Variants in ADAMTS17 observed in about 807,000 individuals in gnomAD.
The protein encoded by ADAMTS17 is ADAM metallopeptidase with thrombospondin type 1 motif 17.
A neutral mutation model predicts 141.5 loss-of-function variants in ADAMTS17; 113 were observed. The observed-to-expected ratio is 0.80, with a 90% CI of 0.69 to 0.93. The LOEUF (loss-of-function observed/expected upper bound fraction) is 0.93, where lower values mean the gene tolerates loss of function less well. Ranked by LOEUF, ADAMTS17 falls within the 40% of genes least tolerant of loss-of-function variation. ADAMTS17 has a pLI of 0.00. For missense variants in ADAMTS17, 1,659 were observed against 1,517.9 expected (o/e 1.09, Z -1.54); for synonymous variants, 768 against 630.6 (o/e 1.22, Z -3.27).
intron 7 of ADAMTS17, among the ~76,000 whole-genome samples, chr15:100,249,317 G>A (rs1229060645): frequency 6.6e-6 from 1 of 152,220 alleles, no homozygotes; most frequent in Non-Finnish European, 1.5e-5. Flanking sequence ...GTGGGCATTG[G>A]TCATCTTGGG....
chr15:99,981,057 A>G (rs906548479), intron 20 of ADAMTS17, among the ~76,000 whole-genome samples: 1 of 152,200 alleles, frequency 6.6e-6, no homozygotes, highest in Non-Finnish European at 1.5e-5. Context: ...TCTTGCTCAA[A>G]GTTGCAGAGG....
chr15:100,064,107 A>G (rs1164719926), intron 15 of ADAMTS17, among the ~76,000 whole-genome samples: 1 of 152,170 alleles, frequency 6.6e-6, no homozygotes, highest in Non-Finnish European at 1.5e-5. Flanking sequence ...AAAATGACTG[A>G]TGTCCTTATA....
chr15:100,139,996 TTTTTTA>T (rs980492563), intron 10 of ADAMTS17, among the ~76,000 whole-genome samples: 2 of 151,996 alleles, frequency 1.3e-5, no homozygotes, highest in African/African-American at 2.4e-5. Flanking sequence ...TTTATTTTTG[TTTTTTA>T]TTTTTATTTT....
At chr15:100,197,754 C>T (rs771732747) in intron 8 of ADAMTS17, among the ~76,000 whole-genome samples, 9 of 151,990 alleles carry the variant, frequency 5.9e-5, no homozygotes, top group African/African-American at 1.7e-4. Flanking sequence ...ACAATAGGTA[C>T]GGAAAGGCCA....
intron 10 of ADAMTS17, among the ~76,000 whole-genome samples, chr15:100,146,931 T>C (rs2141321204): frequency 6.6e-6 from 1 of 152,308 alleles, no homozygotes; most frequent in African/African-American, 2.4e-5. Context: ...CTCAAAACTC[T>C]GTCTCCTGAT....
intron 3 of ADAMTS17, among the ~76,000 whole-genome samples, chr15:100,289,143 T>C (rs1343113813): frequency 6.6e-6 from 1 of 152,072 alleles, no homozygotes; most frequent in Non-Finnish European, 1.5e-5. Context: ...AACCCAATCA[T>C]AAATGACAAA....
rs1300273613 is a variant in ADAMTS17 at position 99,972,829 on chromosome 15, G to A, written c.*1573C>T. 5 of 152,210 alleles carry A rather than the reference G, an allele frequency of 3.3e-5. No homozygotes were observed. Among genetic ancestry groups the A allele is most frequent in the African/African-American group, 7.2e-5 (3 of 41,442 alleles). The allele number at this position is 152,210 out of a possible 1,614,324, so 9.4% of individuals were successfully genotyped here. On this transcript the variant is annotated 3_prime_UTR_variant, in exon 22 of 22. Transcript: ENST00000268070. ...AAGACAGGGTGGAGAAGGCAGAGAGGCTTCTTTCTGATTTAAGCTAACTCT... is the reference window on the plus strand; with the variant it reads ...AAGACAGGGTGGAGAAGGCAGAGAGACTTCTTTCTGATTTAAGCTAACTCT...
chr15:99,996,446 CAA>C (rs770784268), intron 19 of ADAMTS17, among the ~76,000 whole-genome samples: 2 of 152,068 alleles, frequency 1.3e-5, no homozygotes, highest in African/African-American at 2.4e-5. Flanking sequence ...TAAGCATAGA[CAA>C]AGACAAAAAA....
At chr15:100,101,740 T>C (rs1407262694) in intron 14 of ADAMTS17, among the ~76,000 whole-genome samples, 3 of 152,238 alleles carry the variant, frequency 2.0e-5, no homozygotes, top group Non-Finnish European at 4.4e-5. Context: ...CATATTTGAA[T>C]TGGGACTTCC....
intron 20 of ADAMTS17, among the ~76,000 whole-genome samples, chr15:99,988,046 G>A (rs1243046079): frequency 6.6e-6 from 1 of 151,964 alleles, no homozygotes; most frequent in African/African-American, 2.4e-5. Context: ...TCAGCCTCAG[G>A]CTCAGGCTCT....
chr15:100,110,642 T>C (rs2036716929), intron 13 of ADAMTS17, among the ~76,000 whole-genome samples: 1 of 152,066 alleles, frequency 6.6e-6, no homozygotes, highest in African/African-American at 2.4e-5. Context: ...AGGAATGCAT[T>C]TTTCTCCTCT....
chr15:100,153,874 T>A (rs996183159), intron 9 of ADAMTS17, among the ~76,000 whole-genome samples: 1 of 152,020 alleles, frequency 6.6e-6, no homozygotes, highest in East Asian at 1.9e-4. Flanking sequence ...GCTGTGTACA[T>A]GAGCAAATAA....
At chr15:100,337,880 C>G (rs1477610043) in intron 2 of ADAMTS17, among the ~76,000 whole-genome samples, 1 of 152,216 alleles carries the variant, frequency 6.6e-6, no homozygotes, top group Non-Finnish European at 1.5e-5. Flanking sequence ...TGAAGTTCAG[C>G]CTGATTCCAA....
chr15:100,077,698 G>C (rs553970509), intron 15 of ADAMTS17, among the ~76,000 whole-genome samples: 1 of 152,264 alleles, frequency 6.6e-6, no homozygotes, highest in East Asian at 1.9e-4. Flanking sequence ...TGTCCCCTAA[G>C]ATAAGGAACA....
intron 18 of ADAMTS17, among the ~76,000 whole-genome samples, chr15:100,038,071 A>G (rs182594925): frequency 6.6e-6 from 1 of 152,280 alleles, no homozygotes; most frequent in Admixed American, 6.5e-5. Flanking sequence ...CTCCAACTGC[A>G]TTCTCTTGCA....
At chr15:100,337,621 T>C (rs1012614777) in intron 2 of ADAMTS17, among the ~76,000 whole-genome samples, 201 of 152,350 alleles carry the variant, frequency 1.3e-3, no homozygotes, top group African/African-American at 4.8e-3. Context: ...CACAGCTTTT[T>C]CCAAGAAGGG....
rs1031471793 is a variant in ADAMTS17 at position 99,973,925 on chromosome 15, C to T, written c.*477G>A. The stretch of plus-strand genomic sequence containing the variant: ...CGTGTGCTAAGCAGCCCGGCCCTCC[C>T]CAGAGAAGCCACGGGCAGAGGCTCA... On this transcript the variant is annotated 3_prime_UTR_variant, in exon 22 of 22. Coordinates refer to ENST00000268070, the MANE Select transcript of ADAMTS17 (RefSeq NM_139057.4). 8.4e-6 allele frequency: 2 copies of T among 239,082 alleles called. No individual in the cohort carries two copies. Among genetic ancestry groups the T allele is most frequent in the Non-Finnish European group, 8.3e-6 (1 of 120,714 alleles). 14.8% of individuals were successfully genotyped at this position (239,082 alleles called of 1,614,324 possible). A position where few individuals can be genotyped will look rare whatever the true frequency, so the allele number is the denominator to read the frequency against.
At chr15:100,050,479 G>A (rs535479862) in intron 17 of ADAMTS17, among the ~76,000 whole-genome samples, 24 of 152,152 alleles carry the variant, frequency 1.6e-4, no homozygotes, top group Non-Finnish European at 2.8e-4. Flanking sequence ...GGTGGTATCC[G>A]GAGGCTATGC....
At chr15:100,229,911 ACACAGT>A (rs1263437466) in intron 7 of ADAMTS17, among the ~76,000 whole-genome samples, 1 of 152,206 alleles carries the variant, frequency 6.6e-6, no homozygotes, top group Non-Finnish European at 1.5e-5. Flanking sequence ...GGAAATTGCC[ACACAGT>A]CACCTGAGAT....
Sources: gnomAD v4.1 joint callset for allele counts (sites outside exome capture counted in the v4.1 genomes callset) on GRCh38, gnomAD v4.1.1 for gene constraint, MANE v1.5 for transcripts, NCBI Gene and HGNC (gene_info 2026-07-23, HGNC 2026-07-21) for gene names.